Variants in MYO15B observed in about 807,000 individuals in gnomAD.
MYO15B encodes myosin XVB pseudogene.
A neutral mutation model predicts 119.3 loss-of-function variants in MYO15B; 207 were observed. That is an observed-to-expected ratio of 1.73 (90% CI 1.55 to 1.95). MYO15B has a LOEUF of 1.95. Ranked by LOEUF, MYO15B falls within the 30% of genes most tolerant of loss-of-function variation. The pLI is 0.00. For missense variants in MYO15B, 2,264 were observed against 1,203.1 expected (o/e 1.88, Z -13.04); for synonymous variants, 966 against 498.9 (o/e 1.94, Z -12.48).
chr17:75,607,131 C>G, intron 21 of MYO15B: 1 of 392,806 alleles, frequency 2.5e-6, no homozygotes, highest in Non-Finnish European at 4.5e-6. Context: ...GAAGACAGTG[C>G]AGAACATCGG....
intron 56 of MYO15B, 33 bp downstream of exon 56, chr17:75,624,302 A>G (rs1173223358): frequency 1.4e-6 from 1 of 702,538 alleles, no homozygotes; most frequent in Non-Finnish European, 2.6e-6. Flanking sequence ...ATTGTGGGAC[A>G]CCCTGGGGTG....
In MYO15B at chr17:75,589,665, C is replaced by G. The variant is rs1390202131; in HGVS notation, c.1608C>G (p.Asp536Glu). 2.5e-6 allele frequency: 1 copy of G among 398,920 alleles called. No homozygotes were observed. Among genetic ancestry groups the G allele is most frequent in the Non-Finnish European group, 4.4e-6 (1 of 226,040 alleles). The allele number at this position is 398,920 out of a possible 1,614,324, so 24.7% of individuals were successfully genotyped here. ...CCGGCGACCCTTTTGATCAGGAGGA[C>G]GAGACTCCAGATCCCAAGTTCGCGG... is the stretch of plus-strand genomic sequence containing the variant. Residue 536 changes from aspartate (D) to glutamate (E), a missense_variant, in exon 1 of 64, where the codon GAC (aspartate) becomes GAG (glutamate). Asp to Glu is a conservative substitution (Grantham distance 45, BLOSUM62 2). Coordinates refer to ENST00000645453, the Ensembl canonical transcript of MYO15B. This position sits in a 1 kb window ranked among gnomAD's most constrained non-coding sequence, Gnocchi z 4.2.
intron 12 of MYO15B, among the ~76,000 whole-genome samples, chr17:75,595,747 C>T (rs2056815596): frequency 6.6e-6 from 1 of 152,222 alleles, no homozygotes; most frequent in Non-Finnish European, 1.5e-5. Context: ...TGTAGCCCCA[C>T]TTCCCCCACG....
chr17:75,622,988 G>A (rs188755728), intron 53 of MYO15B, among the ~76,000 whole-genome samples: 227 of 152,316 alleles, frequency 1.5e-3, no homozygotes, highest in African/African-American at 5.1e-3. Context: ...GCACAGCACC[G>A]CTCAGAGGTC....
rs2056398954 is a variant in MYO15B, at chr17:75,590,904, C to T, written c.2251-3C>T. On this transcript the variant is annotated splice_region_variant and splice_polypyrimidine_tract_variant and intron_variant, in intron 2 of 63. Coordinates refer to ENST00000645453, the Ensembl canonical transcript of MYO15B. The stretch of plus-strand genomic sequence containing the variant: ...TCTGATGAGAGCTTGTTTTCCTCCC[C>T]AGACCTTTGGGGGGCCTGTCTTGCT... 2.1e-6 allele frequency: 1 copy of T among 467,088 alleles called. No homozygotes were observed. Among genetic ancestry groups the T allele is most frequent in the Non-Finnish European group, 3.9e-6 (1 of 254,374 alleles). The allele number at this position is 467,088 out of a possible 1,614,324, so 28.9% of individuals were successfully genotyped here.
At position 75,605,625 on chromosome 17, in the gene MYO15B, G is replaced by A. The variant is rs1224344561; in HGVS notation, c.4134+4G>A. 1 of 702,954 alleles carries A rather than the reference G, an allele frequency of 1.4e-6. No homozygotes were observed. Among genetic ancestry groups the A allele is most frequent in the Non-Finnish European group, 2.6e-6 (1 of 384,996 alleles). The allele number at this position is 702,954 out of a possible 1,614,324, so 43.5% of individuals were successfully genotyped here. On this transcript the variant is annotated splice_donor_region_variant and intron_variant, in intron 20 of 63. Transcript: ENST00000645453. ...CTATCACCTTGGAGCCACCAAGGTG[G>A]GTGTGTGTATCCCTGTGTGCAGAGG... is the stretch of plus-strand genomic sequence containing the variant.
At chr17:75,609,769 G>A (rs888828046) in intron 21 of MYO15B, among the ~76,000 whole-genome samples, 38 of 139,874 alleles carry the variant, frequency 2.7e-4, no homozygotes, top group African/African-American at 7.1e-4. Context: ...GCAATGGCGC[G>A]ATCTCGGCTC....
rs1038034017 is a variant in MYO15B at position 75,615,580 on chromosome 17, C to T, written c.5818C>T (p.Gln1940Ter). Residue 1940 changes from glutamine to a stop codon, truncating the protein, a stop_gained, in exon 35 of 64, where the codon CAG becomes TAG. Transcript: ENST00000645453. LOFTEE classifies it high-confidence loss of function. ...GGCCGTCCAGCAGCAGAACTTTATC[C>T]AGCAGCAGGCGCTAATCCTGGTGAG... 10 of 701,062 alleles carry T rather than the reference C, an allele frequency of 1.4e-5. No homozygotes were observed. The highest frequency in any genetic ancestry group is 2.6e-5 in the Non-Finnish European group (10 of 384,140). 43.4% of individuals were successfully genotyped at this position (701,062 alleles called of 1,614,324 possible). A position where few individuals can be genotyped will look rare whatever the true frequency, so the allele number is the denominator to read the frequency against.
chr17:75,615,489 T>TGCCGCCC lies in MYO15B; in HGVS notation c.5741-13_5741-7dup. Reference sequence around the variant, plus strand: ...CATGGTGCCCACCACTCTGGCCGCCTGCCGCCCTCACAGCCATGGTGGTGC... The same window carrying TGCCGCCC: ...CATGGTGCCCACCACTCTGGCCGCCTGCCGCCCGCCGCCCTCACAGCCATGGTGGTGC... On this transcript the variant is annotated splice_polypyrimidine_tract_variant and intron_variant, in intron 34 of 63. Coordinates refer to ENST00000645453, the Ensembl canonical transcript of MYO15B. 1.5e-6 allele frequency: 1 copy of TGCCGCCC among 685,588 alleles called. No homozygotes were observed. Among genetic ancestry groups the TGCCGCCC allele is most frequent in the East Asian group, 2.7e-5 (1 of 37,130 alleles). The allele number at this position is 685,588 out of a possible 1,614,324, so 42.5% of individuals were successfully genotyped here. A position where few individuals can be genotyped will look rare whatever the true frequency, so the allele number is the denominator to read the frequency against.
rs1172404770 is a variant in MYO15B at position 75,615,049 on chromosome 17, G to A, written c.5641+7G>A. 2 of 702,090 alleles carry A rather than the reference G, an allele frequency of 2.8e-6. No individual in the cohort carries two copies. Among genetic ancestry groups the A allele is most frequent in the Non-Finnish European group, 5.2e-6 (2 of 384,482 alleles). The allele number at this position is 702,090 out of a possible 1,614,324, so 43.5% of individuals were successfully genotyped here. A position where few individuals can be genotyped will look rare whatever the true frequency, so the allele number is the denominator to read the frequency against. On this transcript the variant is annotated splice_region_variant and intron_variant, in intron 33 of 63. Transcript: ENST00000645453. ...CAGCAGGGCTACCCCATGGGTGAGT[G>A]AGGGGCTGATTCCTCACCCAGGGCC... is the stretch of plus-strand genomic sequence containing the variant.
rs1055866404 is a variant in MYO15B, at chr17:75,602,689, C to T, written c.3729+95C>T. 3 of 609,128 alleles carry T rather than the reference C, an allele frequency of 4.9e-6. No individual in the cohort carries two copies. The African/African-American group carries it at 5.6e-5, about 11-fold the overall frequency. 37.7% of individuals were successfully genotyped at this position (609,128 alleles called of 1,614,324 possible). A position where few individuals can be genotyped will look rare whatever the true frequency, so the allele number is the denominator to read the frequency against. ...GGGCGCTCTTGCCCAAGGGTTGGCC[C>T]TCAAGTCCCTGGCACCTTGGGCCAT... On this transcript the variant is annotated intron_variant, in intron 16 of 63. Coordinates refer to ENST00000645453, the Ensembl canonical transcript of MYO15B.
At chr17:75,612,837 C>G (rs1175823702) in exon 26 of MYO15B, 1 of 702,924 alleles carries the variant, frequency 1.4e-6, no homozygotes, top group South Asian at 1.5e-5. Flanking sequence ...ACTGGCGAAG[C>G]CCCTAACCCA....
chr17:75,620,605 C>G (rs946244225), exon 49 of MYO15B: 2 of 702,176 alleles, frequency 2.8e-6, no homozygotes, highest in African/African-American at 3.5e-5. Flanking sequence ...AACGGGGAAC[C>G]AGGGCTGGCT....
chr17:75,604,755 C>A (rs1287892267), intron 19 of MYO15B, among the ~76,000 whole-genome samples: 1 of 151,876 alleles, frequency 6.6e-6, no homozygotes, highest in East Asian at 1.9e-4. Context: ...CAGCCCCCAG[C>A]TGAGCGCCTG....
rs575623998 is a variant in MYO15B, at chr17:75,595,001, G to C, written c.3297+29G>C. The C allele has an allele frequency of 1.9e-5, 13 of 701,864 alleles. No homozygotes were observed. In the South Asian group the frequency reaches 1.9e-4, roughly 10 times the overall value. The allele number at this position is 701,864 out of a possible 1,614,324, so 43.5% of individuals were successfully genotyped here. ...ACCCCTTGGGGTGGGGCCCAGGAAAGGGGGCACCCATATAATTCCGATGGA... is the reference window on the plus strand; with the variant it reads ...ACCCCTTGGGGTGGGGCCCAGGAAACGGGGCACCCATATAATTCCGATGGA... On this transcript the variant is annotated intron_variant, in intron 12 of 63. Coordinates refer to ENST00000645453, the Ensembl canonical transcript of MYO15B.
At chr17:75,616,195 C>A in intron 37 of MYO15B, 48 bp downstream of exon 37, 1 of 572,278 alleles carries the variant, frequency 1.7e-6, no homozygotes, top group African/African-American at 1.9e-5. Flanking sequence ...TGGCCAGTGC[C>A]CCTGGCCCGG....
chr17:75,615,448 G>A (rs2058308707), intron 34 of MYO15B, 55 bp from the exon 35 acceptor site: 5 of 673,072 alleles, frequency 7.4e-6, no homozygotes, highest in Non-Finnish European at 1.4e-5. Context: ...AGTGGGCAGC[G>A]AGCTTCAAGG....
At chr17:75,613,370 A>T (rs2058149973) in exon 28 of MYO15B, 1 of 673,500 alleles carries the variant, frequency 1.5e-6, no homozygotes, top group South Asian at 1.6e-5. Context: ...GAGCAGTCGC[A>T]GCTGGCCTCG....
rs539506418 is a variant in MYO15B at position 75,589,774 on chromosome 17, G to T, written c.1717G>T (p.Glu573Ter). ...AGCGTCCGCAGATGCCCCCACGGGG[G>T]AAGGCCGAGGTTGGCCTCGTGCAGG... Residue 573 changes from glutamate to a stop codon, truncating the protein, a stop_gained, in exon 1 of 64, where the codon GAA (glutamate) becomes TAA (stop). Transcript: ENST00000645453. LOFTEE classifies it high-confidence loss of function. The surrounding 1 kb of genome is among the most constrained non-coding windows in gnomAD (Gnocchi z 4.2). The T allele has an allele frequency of 5.8e-5, 23 of 398,622 alleles. No individual in the cohort carries two copies. In the East Asian group the frequency reaches 8.2e-4, roughly 14 times the overall value. The allele number at this position is 398,622 out of a possible 1,614,324, so 24.7% of individuals were successfully genotyped here.
Sources: allele counts gnomAD v4.1 joint callset (sites outside exome capture counted in the v4.1 genomes callset), GRCh38; gene constraint gnomAD v4.1.1; non-coding constraint Gnocchi (gnomAD v3.1); transcripts MANE v1.5; gene names NCBI Gene and HGNC (gene_info 2026-07-23, HGNC 2026-07-21).